The following PTPRT variants were observed in gnomAD, a reference collection of about 807,000 sequenced individuals.
PTPRT encodes protein tyrosine phosphatase receptor type T, also known as receptor-type tyrosine-protein phosphatase T.
In PTPRT, 56 loss-of-function variants were observed where a neutral mutation model predicts 176.8. The ratio of observed to expected loss-of-function variants is 0.32; its 90% confidence interval spans 0.26 to 0.40. The LOEUF is 0.40. PTPRT is among the 10% of genes least tolerant of loss of function. The pLI, the probability that PTPRT is intolerant of heterozygous loss-of-function variation, is 1.00. For synonymous variants in PTPRT, 783 were observed against 739.0 expected (o/e 1.06, Z -0.96); for missense variants, 1,540 against 1,908.2 (o/e 0.81, Z 3.60).
At chr20:42,555,421 C>A (rs542562816) in intron 7 of PTPRT, among the ~76,000 whole-genome samples, 1 of 152,036 alleles carries the variant, frequency 6.6e-6, no homozygotes. Flanking sequence ...CCATACAGAA[C>A]GATAATAGAA....
chr20:42,816,040 G>C (rs1248635326), intron 2 of PTPRT, among the ~76,000 whole-genome samples: 1 of 152,100 alleles, frequency 6.6e-6, no homozygotes, highest in African/African-American at 2.4e-5. Context: ...CAGGCTGGGA[G>C]CTGGCACACA....
chr20:42,924,523 T>C (rs747237923), intron 1 of PTPRT, among the ~76,000 whole-genome samples: 3 of 152,188 alleles, frequency 2.0e-5, no homozygotes, highest in Non-Finnish European at 4.4e-5. Context: ...ACACTTTTCC[T>C]AAACCCCATA....
At chr20:42,188,852 G>C (rs1429915972) in intron 16 of PTPRT, among the ~76,000 whole-genome samples, 3 of 152,124 alleles carry the variant, frequency 2.0e-5, no homozygotes, top group Non-Finnish European at 4.4e-5. Context: ...ACTTTACTGA[G>C]GTCTCTTTGA....
the PTPRT span, among the ~76,000 whole-genome samples, chr20:42,065,135 A>G: frequency 6.6e-6 from 1 of 152,224 alleles, no homozygotes; most frequent in Admixed American, 6.5e-5. Flanking sequence ...TAGTCCTGAC[A>G]TCTGTAACCA....
intron 1 of PTPRT, among the ~76,000 whole-genome samples, chr20:42,979,613 T>C (rs1242730479): frequency 6.6e-6 from 1 of 152,072 alleles, no homozygotes; most frequent in Non-Finnish European, 1.5e-5. Flanking sequence ...AGAGGACACA[T>C]TCACTGGCAG....
chr20:42,541,228 T>C (rs1308106164), intron 7 of PTPRT, among the ~76,000 whole-genome samples: 2 of 152,136 alleles, frequency 1.3e-5, no homozygotes, highest in African/African-American at 4.8e-5. Flanking sequence ...TAATTCTAAA[T>C]TTTATGTGAA....
chr20:42,726,057 TTTA>T (rs59329244), intron 6 of PTPRT, among the ~76,000 whole-genome samples: 30,153 of 142,090 alleles, frequency 0.21, 3,251 homozygotes, highest in Non-Finnish European at 0.25. Flanking sequence ...TGTGGGCATC[TTTA>T]TTATTATTAT....
chr20:42,927,085 G>A (rs1215369876), intron 1 of PTPRT, among the ~76,000 whole-genome samples: 1 of 152,192 alleles, frequency 6.6e-6, no homozygotes, highest in African/African-American at 2.4e-5. Context: ...GACTTTCGAT[G>A]TCCACCAAGG....
intron 2 of PTPRT, among the ~76,000 whole-genome samples, chr20:42,811,072 C>A (rs192122068): frequency 6.6e-6 from 1 of 152,140 alleles, no homozygotes; most frequent in Admixed American, 6.5e-5. Flanking sequence ...CCACTGTGAA[C>A]ATCTTAACAT....
intron 22 of PTPRT, 124 bp from the exon 23 acceptor site, chr20:42,110,611 G>GTTAA: frequency 4.1e-6 from 4 of 980,036 alleles, no homozygotes. Flanking sequence ...CACAGTGTTT[G>GTTAA]TTAATAGGTG....
intron 9 of PTPRT, among the ~76,000 whole-genome samples, chr20:42,361,533 ACT>A (rs1244251236): frequency 1.3e-5 from 2 of 151,748 alleles, no homozygotes; most frequent in Non-Finnish European, 2.9e-5. Flanking sequence ...GTCCACAGAG[ACT>A]CTTATGTCTA....
intron 1 of PTPRT, among the ~76,000 whole-genome samples, chr20:43,115,560 G>A (rs1464147054): frequency 6.6e-6 from 1 of 152,172 alleles, no homozygotes; most frequent in Non-Finnish European, 1.5e-5. Flanking sequence ...ATTTTGGGTT[G>A]TCACAGCTGA....
intron 6 of PTPRT, among the ~76,000 whole-genome samples, chr20:42,720,586 T>G (rs567885459): frequency 6.6e-6 from 1 of 152,198 alleles, no homozygotes; most frequent in Non-Finnish European, 1.5e-5. Context: ...GCTCACTCCT[T>G]GTATAGAGAG....
intron 2 of PTPRT, among the ~76,000 whole-genome samples, chr20:42,854,092 C>T (rs2078522165): frequency 6.6e-6 from 1 of 152,168 alleles, no homozygotes; most frequent in Non-Finnish European, 1.5e-5. Context: ...CTCACAATAC[C>T]TCGTCACAAC....
the PTPRT span, among the ~76,000 whole-genome samples, chr20:42,045,611 G>C: frequency 6.6e-6 from 1 of 151,960 alleles, no homozygotes; most frequent in African/African-American, 2.4e-5. Context: ...AGTATTGCCA[G>C]TGTGGTAAAA....
chr20:42,846,224 C>T (rs1455764185), intron 2 of PTPRT, among the ~76,000 whole-genome samples: 2 of 152,176 alleles, frequency 1.3e-5, no homozygotes, highest in African/African-American at 4.8e-5. Flanking sequence ...CTGAACTATC[C>T]ACCCTTCCCA....
chr20:42,451,064 G>C (rs769148904), intron 8 of PTPRT, among the ~76,000 whole-genome samples: 8 of 152,154 alleles, frequency 5.3e-5, no homozygotes, highest in Non-Finnish European at 8.8e-5. Context: ...GCTTTGTGAG[G>C]TTGAGGGTGG....
intron 9 of PTPRT, among the ~76,000 whole-genome samples, chr20:42,379,343 C>A (rs1159037481): frequency 1.3e-5 from 2 of 152,214 alleles, no homozygotes; most frequent in Admixed American, 6.5e-5. Flanking sequence ...CTATTCATTT[C>A]CCTGCAGCAA....
chr20:42,837,850 G>A (rs1438646201), intron 2 of PTPRT, among the ~76,000 whole-genome samples: 1 of 152,146 alleles, frequency 6.6e-6, no homozygotes, highest in East Asian at 1.9e-4. Flanking sequence ...CATTTAGGAG[G>A]AAAACGGGAT....
Sources: allele counts gnomAD v4.1 joint callset (sites outside exome capture counted in the v4.1 genomes callset), GRCh38; gene constraint gnomAD v4.1.1; transcripts MANE v1.5; gene names NCBI Gene and HGNC (gene_info 2026-07-23, HGNC 2026-07-21).